THADA: variants seen among roughly 807,000 people sequenced by gnomAD.
THADA encodes THADA armadillo repeat containing, also known as tRNA (32-2'-O)-methyltransferase regulator THADA.
THADA carries 213 observed loss-of-function variants against 219.8 expected under a neutral mutation model. The ratio of observed to expected loss-of-function variants is 0.97; its 90% CI spans 0.87 to 1.09. THADA has a LOEUF of 1.09. THADA is among the 50% of genes least tolerant of loss of function. THADA has a pLI of 0.00. For missense variants in THADA, 2,956 were observed against 2,311.3 expected, an observed-to-expected ratio of 1.28 and a Z score of -5.72; for synonymous variants, 1,018 against 828.9, an observed-to-expected ratio of 1.23 and a Z score of -3.92.
chr2:43,450,341 G>A (rs905383224), intron 26 of THADA, among the ~76,000 whole-genome samples: 1 of 152,102 alleles, frequency 6.6e-6, no homozygotes, highest in Non-Finnish European at 1.5e-5. Context: ...ATAAATCTGT[G>A]ACATCGGTAA....
intron 14 of THADA, among the ~76,000 whole-genome samples, chr2:43,568,497 C>G (rs969553984): frequency 6.6e-6 from 1 of 152,180 alleles, no homozygotes. Flanking sequence ...ATGAGACTGA[C>G]TCAGATTAAG....
chr2:43,468,103 T>C (rs1452378707), intron 26 of THADA, among the ~76,000 whole-genome samples: 1 of 152,242 alleles, frequency 6.6e-6, no homozygotes, highest in African/African-American at 2.4e-5. Flanking sequence ...TTAAAATATG[T>C]GGAGATCTTT....
chr2:43,517,629 T>A (rs1225809800), intron 22 of THADA, among the ~76,000 whole-genome samples: 1 of 152,080 alleles, frequency 6.6e-6, no homozygotes, highest in Non-Finnish European at 1.5e-5. Flanking sequence ...ATCCATGAAG[T>A]TTCTCATTTT....
chr2:43,589,002 A>C (rs1420979788), intron 4 of THADA, among the ~76,000 whole-genome samples: 1 of 152,188 alleles, frequency 6.6e-6, no homozygotes. Context: ...CAGAATATTT[A>C]TAGCTGAAAA....
intron 34 of THADA, among the ~76,000 whole-genome samples, chr2:43,287,493 C>T (rs746254369): frequency 6.6e-6 from 1 of 152,162 alleles, no homozygotes; most frequent in Non-Finnish European, 1.5e-5. Context: ...GACAGGGTTT[C>T]GCCATGTTGG....
intron 20 of THADA, 63 bp from the exon 21 acceptor site, chr2:43,541,379 C>A: frequency 6.4e-7 from 1 of 1,574,664 alleles, no homozygotes; most frequent in Admixed American, 1.8e-5. Flanking sequence ...TTTCTAAAAA[C>A]AAGCTTATTC....
intron 31 of THADA, among the ~76,000 whole-genome samples, chr2:43,319,696 C>G (rs9808360): frequency 0.25 from 38,562 of 152,010 alleles, 5,783 homozygotes; most frequent in African/African-American, 0.41. Context: ...CTTTGTAATT[C>G]TAGCCTCCTT....
At chr2:43,469,175 C>A (rs1404090432) in intron 26 of THADA, among the ~76,000 whole-genome samples, 2 of 152,064 alleles carry the variant, frequency 1.3e-5, no homozygotes, top group Non-Finnish European at 2.9e-5. Flanking sequence ...GAGGGACAGG[C>A]ACTGTAGGAG....
At chr2:43,256,162 G>A (rs1359266329) in intron 36 of THADA, among the ~76,000 whole-genome samples, 3 of 152,184 alleles carry the variant, frequency 2.0e-5, no homozygotes, top group African/African-American at 4.8e-5. Flanking sequence ...CTCCCAAAAT[G>A]AAGTGGTAAG....
rs375886041 is a variant in THADA, at chr2:43,516,910, C to T, written c.3375-8130G>A. On this transcript the variant is annotated intron_variant, in intron 22 of 37. Coordinates refer to ENST00000405975, the MANE Select transcript of THADA (RefSeq NM_022065.5). ...CGCAGAATAAAAATTCCAAAGGGCACGTGATTTACAAAATGTTTTCATGTG... is the reference window on the plus strand; with the variant it reads ...CGCAGAATAAAAATTCCAAAGGGCATGTGATTTACAAAATGTTTTCATGTG... 3.3e-5 allele frequency among the ~76,000 whole-genome samples: 5 copies of T among 152,208 alleles called. No homozygotes were observed. The East Asian group carries it at 5.8e-4, about 18-fold the overall frequency.
chr2:43,502,970 G>A (rs1036553158), intron 24 of THADA, among the ~76,000 whole-genome samples: 1 of 152,126 alleles, frequency 6.6e-6, no homozygotes, highest in Non-Finnish European at 1.5e-5. Flanking sequence ...ATAAACATAT[G>A]AAAAGATGTT....
At chr2:43,233,972 C>T (rs572033240) in intron 36 of THADA, among the ~76,000 whole-genome samples, 10 of 152,258 alleles carry the variant, frequency 6.6e-5, no homozygotes, top group Non-Finnish European at 1.5e-4. Flanking sequence ...CTTACCCTGA[C>T]CATCTGGCCC....
At chr2:43,273,716 T>C (rs948817260) in intron 36 of THADA, among the ~76,000 whole-genome samples, 1 of 152,164 alleles carries the variant, frequency 6.6e-6, no homozygotes, top group Non-Finnish European at 1.5e-5. Flanking sequence ...GCTGGGGCTT[T>C]GCTGACTGAG....
chr2:43,587,757 C>G (rs879378445), intron 4 of THADA, among the ~76,000 whole-genome samples: 1 of 152,082 alleles, frequency 6.6e-6, no homozygotes, highest in Non-Finnish European at 1.5e-5. Flanking sequence ...TGTCTATTTT[C>G]TATCTTCCCC....
At chr2:43,539,472 T>A (rs980346022) in intron 21 of THADA, among the ~76,000 whole-genome samples, 1 of 152,254 alleles carries the variant, frequency 6.6e-6, no homozygotes, top group African/African-American at 2.4e-5. Flanking sequence ...ACTAATTTCT[T>A]GATGACTTTG....
At chr2:43,567,566 G>A (rs1698831791) in intron 14 of THADA, among the ~76,000 whole-genome samples, 2 of 152,200 alleles carry the variant, frequency 1.3e-5, no homozygotes, top group Non-Finnish European at 2.9e-5. Context: ...GGCAGAGGTT[G>A]CAGTGAGCCA....
chr2:43,247,373 AACTC>A (rs1219729278), intron 36 of THADA, among the ~76,000 whole-genome samples: 3 of 152,162 alleles, frequency 2.0e-5, no homozygotes, highest in Non-Finnish European at 4.4e-5. Flanking sequence ...CAAAAAATAA[AACTC>A]ACAAGTTCTA....
At chr2:43,246,009 C>A (rs1415922287) in intron 36 of THADA, among the ~76,000 whole-genome samples, 2 of 151,796 alleles carry the variant, frequency 1.3e-5, no homozygotes, top group Non-Finnish European at 2.9e-5. Context: ...CGAGCTTTAT[C>A]CAGAATCCAG....
intron 19 of THADA, 101 bp downstream of exon 19, chr2:43,551,688 C>T (rs1036729368): frequency 6.2e-6 from 7 of 1,131,946 alleles, no homozygotes; most frequent in Non-Finnish European, 8.2e-6. Context: ...CTCAACTTAG[C>T]TTTTATATCT....
Sources: gnomAD v4.1 joint callset for allele counts (sites outside exome capture counted in the v4.1 genomes callset) on GRCh38, gnomAD v4.1.1 for gene constraint, MANE v1.5 for transcripts, NCBI Gene and HGNC (gene_info 2026-07-23, HGNC 2026-07-21) for gene names.